The following TSPAN9 variants were observed in gnomAD, a reference collection of about 807,000 sequenced individuals.
The protein encoded by TSPAN9 is tetraspanin 9.
Under a neutral mutation model 31.0 loss-of-function variants are expected in TSPAN9, and 16 were observed. The observed-to-expected ratio is 0.52, with a 90% CI of 0.35 to 0.78. The LOEUF (loss-of-function observed/expected upper bound fraction) is 0.78. TSPAN9 is among the 30% of genes least tolerant of loss of function. The pLI is 0.01. For synonymous variants in TSPAN9, 145 were observed against 121.6 expected (o/e 1.19, Z -1.27); for missense variants, 272 against 312.5 (o/e 0.87, Z 0.98).
intron 3 of TSPAN9, among the ~76,000 whole-genome samples, chr12:3,257,654 A>T (rs1431735054): frequency 6.6e-6 from 1 of 151,710 alleles, no homozygotes; most frequent in African/African-American, 2.4e-5. Context: ...CTTCGCTGGC[A>T]TCTCAGCAGG....
In TSPAN9 at chr12:3,131,128, G is replaced by GAAAA. The variant is rs144013286; in HGVS notation, c.-18+47409_-18+47410insAAAA. Among the ~76,000 whole-genome samples, 260 of 140,450 alleles carry GAAAA rather than the reference G, an allele frequency of 1.9e-3. 2 individuals are homozygous for GAAAA. The highest frequency in any genetic ancestry group is 4.5e-3 in the Admixed American group (65 of 14,308). The allele number at this position is 140,450 out of a possible 152,430, so 92.1% of individuals were successfully genotyped here. Reference sequence around the variant, plus strand: ...TCTTTGTCATTTTCTCCACTTTTGGGGAAAAAAAAAAAGAAACCGGATGTT... The same window carrying GAAAA: ...TCTTTGTCATTTTCTCCACTTTTGGGAAAAGAAAAAAAAAAAGAAACCGGATGTT... On this transcript the variant is annotated intron_variant, in intron 2 of 8. Coordinates refer to ENST00000011898, the MANE Select transcript of TSPAN9 (RefSeq NM_006675.5).
At chr12:3,231,788 G>A (rs113056090) in intron 3 of TSPAN9, among the ~76,000 whole-genome samples, 5 of 152,356 alleles carry the variant, frequency 3.3e-5, no homozygotes, top group African/African-American at 1.2e-4. Flanking sequence ...GGGGCTGTCT[G>A]GCCTCCAGGA....
At chr12:3,247,941 T>C in intron 3 of TSPAN9, among the ~76,000 whole-genome samples, 1 of 152,236 alleles carries the variant, frequency 6.6e-6, no homozygotes, top group East Asian at 1.9e-4. Flanking sequence ...ACCTTCTGTG[T>C]GTGCATGCCA....
intron 2 of TSPAN9, among the ~76,000 whole-genome samples, chr12:3,129,182 G>A (rs1440324349): frequency 6.6e-6 from 1 of 152,104 alleles, no homozygotes; most frequent in Non-Finnish European, 1.5e-5. Flanking sequence ...GGACATTTGG[G>A]TGTTTCTACC....
chr12:3,109,557 G>T (rs1026624736), intron 2 of TSPAN9, among the ~76,000 whole-genome samples: 4 of 151,798 alleles, frequency 2.6e-5, no homozygotes, highest in African/African-American at 9.7e-5. Context: ...CAGCACTTTG[G>T]GAGGCCGAGG....
chr12:3,239,920 C>T (rs527267445), intron 3 of TSPAN9, among the ~76,000 whole-genome samples: 4 of 151,670 alleles, frequency 2.6e-5, no homozygotes, highest in South Asian at 4.2e-4. Flanking sequence ...AGGGGGGGGA[C>T]GAGGGAGGGC....
chr12:3,100,353 C>T (rs1223681003), intron 2 of TSPAN9, among the ~76,000 whole-genome samples: 1 of 152,162 alleles, frequency 6.6e-6, no homozygotes, highest in Non-Finnish European at 1.5e-5. Context: ...GTATTCTGCC[C>T]TAAGAATCTT....
chr12:3,225,582 GT>G (rs1181830827), intron 3 of TSPAN9, among the ~76,000 whole-genome samples: 1 of 152,138 alleles, frequency 6.6e-6, no homozygotes, highest in Admixed American at 6.5e-5. Context: ...GGGGACCGTT[GT>G]TGCATCCTCG....
intron 3 of TSPAN9, among the ~76,000 whole-genome samples, chr12:3,243,047 A>G (rs987902421): frequency 6.6e-6 from 1 of 152,172 alleles, no homozygotes; most frequent in Non-Finnish European, 1.5e-5. Flanking sequence ...TGGGGTGTGG[A>G]TGGTACATTT....
intron 3 of TSPAN9, among the ~76,000 whole-genome samples, chr12:3,248,019 T>A (rs1271793665): frequency 6.6e-6 from 1 of 152,200 alleles, no homozygotes; most frequent in Non-Finnish European, 1.5e-5. Context: ...AATGACAGAC[T>A]GACTGTCTGC....
At chr12:3,178,481 T>C (rs149675083) in intron 2 of TSPAN9, among the ~76,000 whole-genome samples, 1 of 151,924 alleles carries the variant, frequency 6.6e-6, no homozygotes, top group Non-Finnish European at 1.5e-5. Flanking sequence ...AGTAGAGATG[T>C]GTTTTCACCG....
At chr12:3,215,587 T>A (rs1407120057) in intron 3 of TSPAN9, among the ~76,000 whole-genome samples, 1 of 152,194 alleles carries the variant, frequency 6.6e-6, no homozygotes, top group Admixed American at 6.5e-5. Context: ...GTGCAATGAT[T>A]TGTTCCCTGG....
intron 3 of TSPAN9, among the ~76,000 whole-genome samples, chr12:3,208,359 G>A (rs1362306596): frequency 1.3e-5 from 2 of 152,226 alleles, no homozygotes; most frequent in Non-Finnish European, 2.9e-5. Context: ...TAGGTAGGGA[G>A]AAGGCAGTGG....
chr12:3,089,704 A>C (rs961791766), intron 2 of TSPAN9, among the ~76,000 whole-genome samples: 4 of 151,900 alleles, frequency 2.6e-5, no homozygotes, highest in African/African-American at 4.8e-5. Context: ...TGAGCTCAGG[A>C]GTTTGAGACC....
chr12:3,243,403 G>T (rs1280405832), intron 3 of TSPAN9, among the ~76,000 whole-genome samples: 3 of 152,140 alleles, frequency 2.0e-5, no homozygotes, highest in African/African-American at 4.8e-5. Context: ...ACATAGGGCG[G>T]CTCAGAGAAG....
intron 3 of TSPAN9, among the ~76,000 whole-genome samples, chr12:3,202,933 G>C (rs748641291): frequency 5.3e-5 from 8 of 152,206 alleles, no homozygotes; most frequent in Non-Finnish European, 1.0e-4. Context: ...TGACCCATCT[G>C]CCAGCATCTG....
At chr12:3,151,922 C>CAA (rs140314897) in intron 2 of TSPAN9, among the ~76,000 whole-genome samples, 14 of 150,904 alleles carry the variant, frequency 9.3e-5, no homozygotes, top group African/African-American at 2.2e-4. Flanking sequence ...GACTCCACCT[C>CAA]AAAAAAAACA....
intron 2 of TSPAN9, among the ~76,000 whole-genome samples, chr12:3,155,767 C>T (rs1399323319): frequency 6.6e-6 from 1 of 152,146 alleles, no homozygotes; most frequent in African/African-American, 2.4e-5. Flanking sequence ...TTTCCCATCA[C>T]GCAGTGAGGA....
intron 3 of TSPAN9, among the ~76,000 whole-genome samples, chr12:3,206,029 C>T (rs2098374965): frequency 6.6e-6 from 1 of 152,128 alleles, no homozygotes; most frequent in South Asian, 2.1e-4. Context: ...GAGAAAGTCC[C>T]AGTTGAAAAA....
Sources: gnomAD v4.1 joint callset for allele counts (sites outside exome capture counted in the v4.1 genomes callset) on GRCh38, gnomAD v4.1.1 for gene constraint, MANE v1.5 for transcripts, NCBI Gene and HGNC (gene_info 2026-07-23, HGNC 2026-07-21) for gene names.